ZC3H4: variants seen among roughly 807,000 people sequenced by gnomAD.
ZC3H4 encodes the protein zinc finger CCCH domain-containing protein 4.
ZC3H4 carries 13 observed loss-of-function variants against 108.3 expected under a neutral mutation model. The observed-to-expected ratio is 0.12, with a 90% CI of 0.08 to 0.19. The LOEUF (loss-of-function observed/expected upper bound fraction) is 0.19, where lower values mean the gene tolerates loss of function less well. Ranked by LOEUF, ZC3H4 falls within the 10% of genes least tolerant of loss-of-function variation. ZC3H4 has a pLI of 1.00. For missense variants in ZC3H4, 1,734 were observed against 1,838.8 expected (o/e 0.94, Z 1.04); for synonymous variants, 917 against 749.6 (o/e 1.22, Z -3.65).
intron 9 of ZC3H4, among the ~76,000 whole-genome samples, chr19:47,082,941 T>G (rs1485362417): frequency 1.3e-5 from 2 of 152,246 alleles, no homozygotes; most frequent in African/African-American, 4.8e-5. Context: ...GATTGTGTTC[T>G]CCATTCTTCA....
At chr19:47,083,646 T>C (rs1600047632) in intron 9 of ZC3H4, among the ~76,000 whole-genome samples, 1 of 151,736 alleles carries the variant, frequency 6.6e-6, no homozygotes, top group Non-Finnish European at 1.5e-5. Context: ...GAGGCGGAGG[T>C]TGCAGTGAGC....
At chr19:47,104,136 T>C (rs918327503) in intron 2 of ZC3H4, among the ~76,000 whole-genome samples, 4 of 151,800 alleles carry the variant, frequency 2.6e-5, no homozygotes, top group East Asian at 1.9e-4. Flanking sequence ...CTGGCCAACA[T>C]GGTAAAACCC....
At chr19:47,081,491 C>G in intron 11 of ZC3H4, 22 bp downstream of exon 11, 1 of 1,605,324 alleles carries the variant, frequency 6.2e-7, no homozygotes, top group Non-Finnish European at 8.5e-7. Flanking sequence ...TAGCCGGGGG[C>G]CCCGTTACCC....
chr19:47,067,092 G>GAGGAGCCGGTGGCGGCCA lies in ZC3H4; in HGVS notation c.3175_3176insTGGCCGCCACCGGCTCCT (p.Ser1058_Ser1059insLeuAlaAlaThrGlySer), dbSNP rs928054697. ...TTTGTCGCTGGAACCGGGGGCGGCC[G>GAGGAGCCGGTGGCGGCCA]AGGAGCCGGTGGCATTGACTGTCTT... On this transcript the variant is annotated inframe_insertion, in exon 15 of 15. Coordinates refer to ENST00000253048, the MANE Select transcript of ZC3H4 (RefSeq NM_015168.2). This position sits in a 1 kb window ranked among gnomAD's most constrained non-coding sequence, Gnocchi z 6.4. The GAGGAGCCGGTGGCGGCCA allele has an allele frequency of 1.2e-6, 2 of 1,610,638 alleles. No individual in the cohort carries two copies. Among genetic ancestry groups the GAGGAGCCGGTGGCGGCCA allele is most frequent in the African/African-American group, 2.7e-5 (2 of 74,852 alleles).
intron 5 of ZC3H4, 101 bp from the exon 6 acceptor site, chr19:47,086,639 G>GCCTCCTCCTCCTTCTCCT: frequency 7.0e-7 from 1 of 1,431,512 alleles, no homozygotes; most frequent in Non-Finnish European, 9.1e-7. Context: ...CACTTCAGCT[G>GCCTCCTCCTCCTTCTCCT]CCTCCTCCTC....
intron 2 of ZC3H4, among the ~76,000 whole-genome samples, chr19:47,095,944 G>A (rs367897581): frequency 2.6e-5 from 4 of 152,190 alleles, no homozygotes; most frequent in Admixed American, 1.3e-4. Flanking sequence ...CTATCTCTGC[G>A]GAAAGGCCCG....
intron 2 of ZC3H4, among the ~76,000 whole-genome samples, chr19:47,103,725 G>A (rs893241717): frequency 1.5e-5 from 2 of 136,414 alleles, no homozygotes; most frequent in East Asian, 2.2e-4. Flanking sequence ...AGGAGATTTA[G>A]ACCATCTGGG....
chr19:47,096,987 C>T (rs2057831876), intron 2 of ZC3H4: 1 of 985,444 alleles, frequency 1.0e-6, no homozygotes, highest in Non-Finnish European at 1.2e-6. Context: ...CCTGATGCCA[C>T]TCGCTGGCTC....
rs1490393558 is a variant in ZC3H4 at position 47,067,544 on chromosome 19, G to C, written c.2724C>G (p.Ser908Arg). ...TSKPEGSLHS[S>R]PVGPSSSKGS... ...CCTTGGAACTGCTGGGGCCCACAGG[G>C]CTGGAATGAAGGCTGCCTTCGGGCT... is the stretch of plus-strand genomic sequence containing the variant. Residue 908 changes from serine to arginine, a missense_variant, in exon 15 of 15, where the codon AGC (serine) becomes AGG (arginine). By Grantham distance (110) the Ser-to-Arg change is moderately radical (BLOSUM62 -1). Around this residue, in one of 9 missense-constraint regions of ZC3H4, gnomAD observed 540 missense variants for 484.1 expected, o/e 1.12. Coordinates refer to ENST00000253048, the MANE Select transcript of ZC3H4 (RefSeq NM_015168.2). This position sits in a 1 kb window ranked among gnomAD's most constrained non-coding sequence, Gnocchi z 6.4. The C allele has an allele frequency of 6.2e-7, 1 of 1,600,700 alleles. No individual in the cohort carries two copies. The highest frequency in any genetic ancestry group is 2.2e-5 in the East Asian group (1 of 44,762).
At chr19:47,090,329 G>GT in intron 4 of ZC3H4, 140 bp from the exon 5 acceptor site, 3 of 889,746 alleles carry the variant, frequency 3.4e-6, no homozygotes, top group Non-Finnish European at 5.1e-6. Context: ...CTGGTCTCCA[G>GT]CCCCTCTGGG....
In ZC3H4 at chr19:47,078,123, G is replaced by A. The variant is rs570986046; in HGVS notation, c.1440+3390C>T. Among the ~76,000 whole-genome samples the A allele has an allele frequency of 5.9e-5, 9 of 152,082 alleles. No individual in the cohort carries two copies. In the South Asian group the frequency reaches 6.2e-4, roughly 11 times the overall value. Reference sequence around the variant, plus strand: ...CACTTAAAAAATTTTTTTTCCAGCCGTTGAAACTACATACAAAAAGCCCCC... The same window carrying A: ...CACTTAAAAAATTTTTTTTCCAGCCATTGAAACTACATACAAAAAGCCCCC... On this transcript the variant is annotated intron_variant, in intron 11 of 14. Coordinates refer to ENST00000253048, the MANE Select transcript of ZC3H4 (RefSeq NM_015168.2).
At chr19:47,073,441 G>A (rs2057364311) in intron 11 of ZC3H4, among the ~76,000 whole-genome samples, 1 of 152,030 alleles carries the variant, frequency 6.6e-6, no homozygotes, top group African/African-American at 2.4e-5. Flanking sequence ...GCATGGTGGT[G>A]GGCACCTGTA....
chr19:47,112,234 C>T (rs368531902), intron 2 of ZC3H4, 190 bp downstream of exon 2: 1 of 1,170,442 alleles, frequency 8.5e-7, no homozygotes, highest in Non-Finnish European at 1.1e-6. Flanking sequence ...ACGCATGAGG[C>T]CGGGAGAGAA....
rs369715006 is a variant in ZC3H4, at chr19:47,095,563, T to G, written c.162-955A>C. On this transcript the variant is annotated intron_variant, in intron 2 of 14. Coordinates refer to ENST00000253048, the MANE Select transcript of ZC3H4 (RefSeq NM_015168.2). ...CCAATTCCCCCGTGTCACCCCAATC[T>G]CCAGGACTTTAAAAGTGCTCTCCAA... 2.0e-5 allele frequency among the ~76,000 whole-genome samples: 3 copies of G among 151,966 alleles called. No homozygotes were observed. The East Asian group carries it at 5.8e-4, about 29-fold the overall frequency.
intron 6 of ZC3H4, among the ~76,000 whole-genome samples, chr19:47,085,707 G>A (rs1384381625): frequency 2.6e-5 from 4 of 152,150 alleles, no homozygotes; most frequent in Admixed American, 2.6e-4. Flanking sequence ...AGGTCTGTGG[G>A]TAGGACCAGG....
In ZC3H4 at chr19:47,064,523, T is replaced by C. The variant is rs905960871; in HGVS notation, c.*1833A>G. The C allele has an allele frequency of 2.0e-5, 3 of 152,448 alleles. No individual in the cohort carries two copies. The highest frequency in any genetic ancestry group is 4.4e-5 in the Non-Finnish European group (3 of 68,030). The allele number at this position is 152,448 out of a possible 1,614,324, so 9.4% of individuals were successfully genotyped here. A position where few individuals can be genotyped will look rare whatever the true frequency, so the allele number is the denominator to read the frequency against. On this transcript the variant is annotated 3_prime_UTR_variant, in exon 15 of 15. Coordinates refer to ENST00000253048, the MANE Select transcript of ZC3H4 (RefSeq NM_015168.2). ...ATTCCAAGAGGAGGGCTCCAGCTTC[T>C]ATTTCATCCACAGATTTCGGTTTAA... is the stretch of plus-strand genomic sequence containing the variant.
chr19:47,110,945 G>T, intron 2 of ZC3H4: 1 of 984,818 alleles, frequency 1.0e-6, no homozygotes, highest in South Asian at 4.7e-5. Flanking sequence ...CTTTTAAAAG[G>T]CAAAGTATGG....
intron 5 of ZC3H4, among the ~76,000 whole-genome samples, chr19:47,089,676 G>A (rs2057696334): frequency 6.7e-6 from 1 of 149,578 alleles, no homozygotes; most frequent in African/African-American, 2.4e-5. Context: ...AGTGACCATG[G>A]CCCAGGTGAA....
intron 2 of ZC3H4, among the ~76,000 whole-genome samples, chr19:47,111,797 G>A (rs2058042796): frequency 6.6e-6 from 1 of 151,872 alleles, no homozygotes; most frequent in African/African-American, 2.4e-5. Flanking sequence ...TACAAGGATG[G>A]AGAAGGGACC....
Sources: allele counts gnomAD v4.1 joint callset (sites outside exome capture counted in the v4.1 genomes callset), GRCh38; gene constraint gnomAD v4.1.1; regional missense constraint gnomAD v4.1.1; non-coding constraint Gnocchi (gnomAD v3.1); transcripts MANE v1.5; gene names NCBI Gene and HGNC (gene_info 2026-07-23, HGNC 2026-07-21).